POC5: variants seen among roughly 807,000 people sequenced by gnomAD.
The protein encoded by POC5 is POC5 centriolar protein, also known as centrosomal protein POC5.
Under a neutral mutation model 62.9 loss-of-function variants are expected in POC5, and 48 were observed. The observed-to-expected ratio is 0.76, with a 90% CI of 0.61 to 0.97. The LOEUF (loss-of-function observed/expected upper bound fraction) is 0.97. Among genes scored for constraint, POC5 ranks in the 50% least tolerant of loss-of-function variants. POC5 has a pLI of 0.00. For missense variants in POC5, 696 were observed against 679.5 expected (o/e 1.02, Z -0.27); for synonymous variants, 236 against 228.2 (o/e 1.03, Z -0.31).
chr5:75,674,689 T>C (rs1033328084), intron 11 of POC5, 111 bp from the exon 12 acceptor site: 70 of 1,358,450 alleles, frequency 5.2e-5, no homozygotes, highest in Non-Finnish European at 6.9e-5. Context: ...TAAGATCCAG[T>C]AGAAAGAAGC....
At chr5:75,695,681 A>C (rs1776537886) in intron 5 of POC5, among the ~76,000 whole-genome samples, 1 of 152,124 alleles carries the variant, frequency 6.6e-6, no homozygotes, top group African/African-American at 2.4e-5. Context: ...AAAAACAAAA[A>C]AACAAACAAA....
intron 5 of POC5, 88 bp downstream of exon 5, chr5:75,702,517 A>G: frequency 7.9e-7 from 1 of 1,268,040 alleles, no homozygotes; most frequent in Non-Finnish European, 1.1e-6. Flanking sequence ...TAGAAAGTTT[A>G]ACTCAAAAAA....
chr5:75,679,276 T>C (rs1365615144), intron 10 of POC5, among the ~76,000 whole-genome samples: 1 of 152,190 alleles, frequency 6.6e-6, no homozygotes, highest in African/African-American at 2.4e-5. Context: ...TGGCTTAGCT[T>C]ATTAAAACAT....
intron 2 of POC5, among the ~76,000 whole-genome samples, chr5:75,710,952 C>G (rs1777318707): frequency 6.6e-6 from 1 of 152,056 alleles, no homozygotes; most frequent in Admixed American, 6.6e-5. Flanking sequence ...AAAAAAAGAT[C>G]CAAACACATA....
intron 4 of POC5, among the ~76,000 whole-genome samples, chr5:75,703,746 G>A (rs1263915319): frequency 1.3e-5 from 2 of 152,164 alleles, no homozygotes; most frequent in Non-Finnish European, 2.9e-5. Flanking sequence ...GTAGAGGTGA[G>A]AAATGTACAC....
At chr5:75,705,934 G>A (rs566339830) in intron 3 of POC5, 147 bp from the exon 4 acceptor site, 12 of 520,752 alleles carry the variant, frequency 2.3e-5, no homozygotes, top group Admixed American at 2.3e-4. Flanking sequence ...CTAAAACAAA[G>A]GACAAGAACA....
chr5:75,705,635 A>G (rs1777083926), intron 4 of POC5, 69 bp downstream of exon 4: 1 of 908,260 alleles, frequency 1.1e-6, no homozygotes, highest in African/African-American at 1.7e-5. Flanking sequence ...TCCTCTTACT[A>G]CATAGATAAT....
chr5:75,686,168 C>A (rs1232443295), intron 9 of POC5, among the ~76,000 whole-genome samples: 1 of 152,136 alleles, frequency 6.6e-6, no homozygotes, highest in East Asian at 1.9e-4. Context: ...ATCTAAGGAG[C>A]CAATAATGTC....
In POC5 at chr5:75,707,799, G is replaced by A. The variant is rs371847169; in HGVS notation, c.161C>T (p.Pro54Leu). 1 of 1,580,220 alleles carries A rather than the reference G, an allele frequency of 6.3e-7. No homozygotes were observed. The highest frequency in any genetic ancestry group is 8.6e-7 in the Non-Finnish European group (1 of 1,159,332). ...GACATCTGGCACCAATTCTCCCTTAGGATGAGATGACTGTGAAGCACAGGG... is the reference window on the plus strand; with the variant it reads ...GACATCTGGCACCAATTCTCCCTTAAGATGAGATGACTGTGAAGCACAGGG... The part of the protein sequence containing the change: ...IEPCASQSSH[P>L]KGELVPDVRI... The change falls in exon 3 of 12, where the codon CCT (proline) becomes CTT (leucine). Residue 54 changes from proline (P) to leucine (L), a missense_variant. By Grantham distance (98) the Pro-to-Leu change is moderately conservative. Coordinates refer to ENST00000428202, the MANE Select transcript of POC5 (RefSeq NM_001099271.2).
intron 9 of POC5, among the ~76,000 whole-genome samples, chr5:75,688,663 C>T (rs752567980): frequency 6.6e-6 from 1 of 152,010 alleles, no homozygotes; most frequent in African/African-American, 2.4e-5. Flanking sequence ...TATTTGGCTA[C>T]TTAAGAAAAG....
chr5:75,703,366 G>A (rs1776976226), intron 4 of POC5, among the ~76,000 whole-genome samples: 1 of 152,168 alleles, frequency 6.6e-6, no homozygotes, highest in Non-Finnish European at 1.5e-5. Flanking sequence ...GGTGGCTCAT[G>A]CCTGTAATCC....
intron 10 of POC5, 130 bp from the exon 11 acceptor site, chr5:75,678,080 G>C: frequency 1.5e-6 from 1 of 689,634 alleles, no homozygotes; most frequent in Non-Finnish European, 2.1e-6. Context: ...CTTTAACATG[G>C]AAAAAACAAA....
rs764232637 is a variant in POC5, at chr5:75,692,467, G to C, written c.724C>G (p.Gln242Glu). 1 of 1,603,674 alleles carries C rather than the reference G, an allele frequency of 6.2e-7. No homozygotes were observed. Among genetic ancestry groups the C allele is most frequent in the Admixed American group, 1.7e-5 (1 of 58,782 alleles). The change falls in exon 7 of 12, where the codon CAA (glutamine) becomes GAA (glutamate). Residue 242 changes from glutamine to glutamate, a missense_variant. By Grantham distance (29) the Gln-to-Glu change is conservative. Coordinates refer to ENST00000428202, the MANE Select transcript of POC5 (RefSeq NM_001099271.2). ...CTCATCAACTCTATCTTTTCCTTTT[G>C]CTTGCCTATGGCATGAGACAAGCTA... Reference protein sequence around the residue: ...ISSLSHAIGKQKEKIELMRTF... With the variant: ...ISSLSHAIGKEKEKIELMRTF...
rs1775730775 is a variant in POC5 at position 75,677,880 on chromosome 5, C to T, written c.1478G>A (p.Arg493Lys). The T allele has an allele frequency of 6.2e-7, 1 of 1,611,410 alleles. No homozygotes were observed. The highest frequency in any genetic ancestry group is 1.1e-5 in the South Asian group (1 of 90,678). ...GRTITARITGRCDFASKNRIS... is the reference protein window; with the variant it reads ...GRTITARITGKCDFASKNRIS... Reference sequence around the variant, plus strand: ...TCTATTTTTTGAAGCAAAATCACATCTTCCTGTGATCCGGGCTGTAATAGT... The same window carrying T: ...TCTATTTTTTGAAGCAAAATCACATTTTCCTGTGATCCGGGCTGTAATAGT... The change falls in exon 11 of 12, where the codon AGA (arginine) becomes AAA (lysine). Residue 493 changes from arginine to lysine, a missense_variant. By Grantham distance (26) the Arg-to-Lys change is conservative. Transcript: ENST00000428202.
intron 6 of POC5, among the ~76,000 whole-genome samples, chr5:75,694,300 G>A (rs66493518): frequency 6.6e-6 from 1 of 151,736 alleles, no homozygotes; most frequent in Non-Finnish European, 1.5e-5. Flanking sequence ...GAAAGGATTA[G>A]AAAGAAAAAA....
chr5:75,682,795 G>A (rs1198132882), intron 10 of POC5, among the ~76,000 whole-genome samples: 2 of 152,118 alleles, frequency 1.3e-5, no homozygotes, highest in East Asian at 1.9e-4. Flanking sequence ...GATTACAGGC[G>A]TGAGCCACTG....
At chr5:75,702,834 T>C (rs768007991) in intron 4 of POC5, 24 bp from the exon 5 acceptor site, 5 of 1,508,174 alleles carry the variant, frequency 3.3e-6, no homozygotes, top group Non-Finnish European at 4.5e-6. Flanking sequence ...AAGTTGTAGC[T>C]GTCAAGCCAA....
chr5:75,701,487 G>A lies in POC5; in HGVS notation c.513+1118C>T, dbSNP rs1330691129. On this transcript the variant is annotated intron_variant, in intron 5 of 11. Coordinates refer to ENST00000428202, the MANE Select transcript of POC5 (RefSeq NM_001099271.2). ...TCGCAAGAACAAAAAACCCAACACC[G>A]CATATTCTCACTGATAGGTGGGAAT... 2.8e-5 allele frequency among the ~76,000 whole-genome samples: 4 copies of A among 140,464 alleles called. 1 individual carries two copies. Among genetic ancestry groups the A allele is most frequent in the Non-Finnish European group, 6.3e-5 (4 of 63,802 alleles). The allele number at this position is 140,464 out of a possible 152,430, so 92.1% of individuals were successfully genotyped here.
intron 10 of POC5, 119 bp downstream of exon 10, chr5:75,685,088 C>T (rs886299445): frequency 1.1e-5 from 12 of 1,076,322 alleles, no homozygotes; most frequent in African/African-American, 1.6e-5. Context: ...AGGATGGTCT[C>T]GATCTCCTGA....
Sources: allele counts gnomAD v4.1 joint callset (sites outside exome capture counted in the v4.1 genomes callset), GRCh38; gene constraint gnomAD v4.1.1; transcripts MANE v1.5; gene names NCBI Gene and HGNC (gene_info 2026-07-23, HGNC 2026-07-21).